RNF38: variants seen among roughly 807,000 people sequenced by gnomAD.
RNF38 encodes E3 ubiquitin-protein ligase RNF38.
A neutral mutation model predicts 67.2 loss-of-function variants in RNF38; 15 were observed. The ratio of observed to expected loss-of-function variants is 0.22; its 90% CI spans 0.15 to 0.34. RNF38 has a LOEUF of 0.34. Among genes scored for constraint, RNF38 ranks in the 10% least tolerant of loss-of-function variants. The probability of loss-of-function intolerance (pLI) is 1.00; values close to 1 mark genes in which losing one functional copy is unlikely to be tolerated. For synonymous variants in RNF38, 220 were observed against 218.8 expected (o/e 1.01, Z -0.05); for missense variants, 524 against 639.9 (o/e 0.82, Z 1.95).
chr9:36,444,919 CTTT>C (rs34369319), intron 1 of RNF38, among the ~76,000 whole-genome samples: 1 of 133,444 alleles, frequency 7.5e-6, no homozygotes. Flanking sequence ...GAGCCATTCT[CTTT>C]TTTTTTTTTT....
At chr9:36,401,156 C>A (rs1838007806), upstream of RNF38, 1 of 985,016 alleles carries the variant, frequency 1.0e-6, no homozygotes, top group Non-Finnish European at 1.2e-6. Flanking sequence ...CCAGGCTCCG[C>A]ACCGCGCGCC....
In RNF38 at chr9:36,339,380, A is replaced by G. The variant is rs1012003144; in HGVS notation, c.*372T>C. On this transcript the variant is annotated 3_prime_UTR_variant, in exon 12 of 12. Transcript: ENST00000259605. Reference sequence around the variant, plus strand: ...CACTCACAGTTTCTGAAGGCTCTATATAAGGTAGATTGCTATATCATCTGT... The same window carrying G: ...CACTCACAGTTTCTGAAGGCTCTATGTAAGGTAGATTGCTATATCATCTGT... The G allele has an allele frequency of 5.7e-5, 13 of 226,956 alleles. No individual in the cohort carries two copies. The highest frequency in any genetic ancestry group is 1.6e-4 in the South Asian group (2 of 12,562). The allele number at this position is 226,956 out of a possible 1,614,324, so 14.1% of individuals were successfully genotyped here. A position where few individuals can be genotyped will look rare whatever the true frequency, so the allele number is the denominator to read the frequency against.
chr9:36,469,179 A>G lies in RNF38; in HGVS notation n.241+18129T>C, dbSNP rs77824760. Among the ~76,000 whole-genome samples, 572 of 152,296 alleles carry G rather than the reference A, an allele frequency of 3.8e-3. 3 individuals are homozygous for G. Among genetic ancestry groups the G allele is most frequent in the African/African-American group, 0.013 (546 of 41,580 alleles). On this transcript the variant is annotated intron_variant and non_coding_transcript_variant, in intron 1 of 3. Coordinates refer to the RNF38 transcript ENST00000488058. ...CATAATCCTGGATCCTTCTCTCCAG[A>G]AGTAATCATCTTTGTTATCAGTTAG...
intron 4 of RNF38, among the ~76,000 whole-genome samples, chr9:36,364,621 T>C (rs1052584682): frequency 1.3e-5 from 2 of 152,254 alleles, no homozygotes; most frequent in Non-Finnish European, 2.9e-5. Flanking sequence ...TATTTGGCTA[T>C]GCTGGCATAA....
intron 1 of RNF38, among the ~76,000 whole-genome samples, chr9:36,437,620 G>C (rs1332909025): frequency 6.6e-6 from 1 of 151,630 alleles, no homozygotes; most frequent in Non-Finnish European, 1.5e-5. Flanking sequence ...GCTGAGCTAG[G>C]TGCTGGCAAG....
intron 1 of RNF38, among the ~76,000 whole-genome samples, chr9:36,445,085 A>C (rs1839271142): frequency 6.6e-6 from 1 of 152,202 alleles, no homozygotes. Flanking sequence ...TTCAGCATCC[A>C]CAAGGGTGAC....
chr9:36,475,810 G>A (rs1840107923), intron 1 of RNF38, among the ~76,000 whole-genome samples: 1 of 150,644 alleles, frequency 6.6e-6, no homozygotes, highest in African/African-American at 2.4e-5. Context: ...ACGGTCAGGA[G>A]TTCGAGACCA....
chr9:36,470,065 A>C (rs1293724846), intron 1 of RNF38, among the ~76,000 whole-genome samples: 1 of 152,190 alleles, frequency 6.6e-6, no homozygotes, highest in Non-Finnish European at 1.5e-5. Context: ...TTTCTACTCC[A>C]CCACAGTGGC....
chr9:36,483,620 A>G (rs1223807838), intron 1 of RNF38, among the ~76,000 whole-genome samples: 1 of 152,218 alleles, frequency 6.6e-6, no homozygotes, highest in Non-Finnish European at 1.5e-5. Flanking sequence ...AGGGATAATC[A>G]GTTGTCTCCT....
At chr9:36,386,240 T>C (rs1836626457) in intron 2 of RNF38, among the ~76,000 whole-genome samples, 2 of 152,340 alleles carry the variant, frequency 1.3e-5, no homozygotes, top group South Asian at 2.1e-4. Context: ...CTATCTCTTA[T>C]GGCATATTTC....
At chr9:36,438,796 G>A (rs1036418199) in intron 1 of RNF38, among the ~76,000 whole-genome samples, 2 of 152,148 alleles carry the variant, frequency 1.3e-5, no homozygotes, top group African/African-American at 4.8e-5. Flanking sequence ...TCCCCTGCTC[G>A]GGAAGAGATG....
At chr9:36,440,605 T>C (rs1839171215) in intron 1 of RNF38, among the ~76,000 whole-genome samples, 1 of 150,916 alleles carries the variant, frequency 6.6e-6, no homozygotes, top group East Asian at 2.0e-4. Flanking sequence ...TACTGTTAAG[T>C]GGAAAAAAAA....
At chr9:36,359,002 A>G (rs571325716) in intron 4 of RNF38, among the ~76,000 whole-genome samples, 4 of 151,942 alleles carry the variant, frequency 2.6e-5, no homozygotes, top group African/African-American at 9.7e-5. Flanking sequence ...CAAGAAAACT[A>G]ATTTTTTTTT....
chr9:36,457,530 T>A (rs1839621785), intron 1 of RNF38, among the ~76,000 whole-genome samples: 1 of 152,230 alleles, frequency 6.6e-6, no homozygotes, highest in Non-Finnish European at 1.5e-5. Flanking sequence ...TTGTTGGAAA[T>A]AACTTTAAAG....
chr9:36,389,851 T>G (rs920507212), intron 2 of RNF38, among the ~76,000 whole-genome samples: 1 of 152,204 alleles, frequency 6.6e-6, no homozygotes, highest in Admixed American at 6.5e-5. Context: ...CGATACTGAC[T>G]TCCACTACTA....
chr9:36,487,630 C>A, upstream of RNF38: 1 of 962,498 alleles, frequency 1.0e-6, no homozygotes, highest in Non-Finnish European at 1.2e-6. Flanking sequence ...TGGGCCCCGG[C>A]CGGCAGCAGC....
chr9:36,397,421 T>C (rs553730952), intron 1 of RNF38, among the ~76,000 whole-genome samples: 1 of 152,140 alleles, frequency 6.6e-6, no homozygotes, highest in Non-Finnish European at 1.5e-5. Flanking sequence ...TTAAAAATAA[T>C]TTTGAAAAGC....
intron 1 of RNF38, among the ~76,000 whole-genome samples, chr9:36,393,729 T>C (rs941393153): frequency 1.3e-5 from 2 of 152,246 alleles, no homozygotes; most frequent in Admixed American, 1.3e-4. Context: ...AGACAGATTA[T>C]CCTGGGTGAG....
At chr9:36,348,223 C>T (rs765456398) in intron 9 of RNF38, among the ~76,000 whole-genome samples, 1 of 151,032 alleles carries the variant, frequency 6.6e-6, no homozygotes, top group Non-Finnish European at 1.5e-5. Flanking sequence ...AAGTGCCATT[C>T]TCATTGGGCA....
Sources: allele counts gnomAD v4.1 joint callset (sites outside exome capture counted in the v4.1 genomes callset), GRCh38; gene constraint gnomAD v4.1.1; transcripts MANE v1.5; gene names NCBI Gene and HGNC (gene_info 2026-07-23, HGNC 2026-07-21).